Variants in RNF216 observed in about 807,000 individuals in gnomAD.
RNF216 encodes E3 ubiquitin-protein ligase RNF216.
A neutral mutation model predicts 110.8 loss-of-function variants in RNF216; 72 were observed. The ratio of observed to expected loss-of-function variants is 0.65; its 90% CI spans 0.54 to 0.79. The LOEUF is 0.79. RNF216 is among the 30% of genes least tolerant of loss of function. The probability of loss-of-function intolerance (pLI) is 0.00; values close to 1 mark genes in which losing one functional copy is unlikely to be tolerated. For synonymous variants in RNF216, 495 were observed against 407.5 expected (o/e 1.21, Z -2.59); for missense variants, 1,342 against 1,141.2 (o/e 1.18, Z -2.54).
At chr7:5,650,722 A>G (rs758517663) in intron 14 of RNF216, among the ~76,000 whole-genome samples, 1 of 152,110 alleles carries the variant, frequency 6.6e-6, no homozygotes, top group African/African-American at 2.4e-5. Context: ...GTCCCACACT[A>G]AGGACTTTCT....
intron 14 of RNF216, among the ~76,000 whole-genome samples, chr7:5,648,742 G>GAAAAGAAA (rs1427914727): frequency 7.0e-6 from 1 of 143,866 alleles, no homozygotes; most frequent in African/African-American, 2.6e-5. Context: ...AAAAAAAAAA[G>GAAAAGAAA]AAAAGAAAAA....
At chr7:5,704,003 C>G (rs906305414) in intron 13 of RNF216, among the ~76,000 whole-genome samples, 1 of 152,168 alleles carries the variant, frequency 6.6e-6, no homozygotes, top group African/African-American at 2.4e-5. Context: ...CCAAACACAC[C>G]CAATTCATTC....
chr7:5,777,682 G>A (rs1276739955), intron 1 of RNF216: 1 of 152,186 alleles, frequency 6.6e-6, no homozygotes, highest in Non-Finnish European at 1.5e-5. Flanking sequence ...AACGAAAATT[G>A]TGTTAACTTT....
intron 15 of RNF216, among the ~76,000 whole-genome samples, chr7:5,630,974 T>G (rs568643315): frequency 1.4e-4 from 21 of 152,278 alleles, no homozygotes; most frequent in African/African-American, 5.1e-4. Flanking sequence ...ACTGGGGGCC[T>G]GAGAACACTG....
At chr7:5,626,637 C>T (rs543535544) in intron 15 of RNF216, among the ~76,000 whole-genome samples, 218 of 151,332 alleles carry the variant, frequency 1.4e-3, no homozygotes, top group African/African-American at 5.0e-3. Flanking sequence ...TGCACTCCAC[C>T]CTCCACCCTG....
intron 2 of RNF216, among the ~76,000 whole-genome samples, chr7:5,757,237 G>C (rs1417466811): frequency 6.6e-6 from 1 of 152,096 alleles, no homozygotes; most frequent in African/African-American, 2.4e-5. Flanking sequence ...GTCCAATTCT[G>C]TTTTTAGATC....
At chr7:5,716,860 T>C in intron 9 of RNF216, 94 bp from the exon 10 acceptor site, 1 of 949,350 alleles carries the variant, frequency 1.1e-6, no homozygotes, top group East Asian at 2.4e-5. Flanking sequence ...ACTCCAGTAT[T>C]GCGATCTCTT....
rs1289847719 is a variant in RNF216 at position 5,620,971 on chromosome 7, A to G, written c.*1889T>C. On this transcript the variant is annotated 3_prime_UTR_variant, in exon 17 of 17. Coordinates refer to ENST00000389902, the MANE Select transcript of RNF216 (RefSeq NM_207111.4). ...CCGAAGACAATCCTGTTGCTGCCGC[A>G]TGGAGCCTGCCTTTCCAAGGCACTG... 1 of 152,190 alleles carries G rather than the reference A, an allele frequency of 6.6e-6. No individual in the cohort carries two copies. Among genetic ancestry groups the G allele is most frequent in the African/African-American group, 2.4e-5 (1 of 41,436 alleles). The allele number at this position is 152,190 out of a possible 1,614,324, so 9.4% of individuals were successfully genotyped here. A position where few individuals can be genotyped will look rare whatever the true frequency, so the allele number is the denominator to read the frequency against.
rs74866077 is a variant in RNF216, at chr7:5,766,215, A to G, written c.-69-5077T>C. On this transcript the variant is annotated intron_variant, in intron 1 of 16. Coordinates refer to ENST00000389902, the MANE Select transcript of RNF216 (RefSeq NM_207111.4). ...TGAAGCAGGAGGATCTCCTGAACCC[A>G]GGAGTTTGATGTTGCAGTGAGCCAT... Among the ~76,000 whole-genome samples the G allele has an allele frequency of 3.9e-3, 596 of 152,030 alleles. 14 individuals carry two copies. In the East Asian group the frequency reaches 0.073, roughly 19 times the overall value.
chr7:5,704,558 G>GT (rs1369893418), intron 13 of RNF216, among the ~76,000 whole-genome samples: 1 of 152,232 alleles, frequency 6.6e-6, no homozygotes, highest in Non-Finnish European at 1.5e-5. Flanking sequence ...CAAAAGAACT[G>GT]TGTCAATTCT....
chr7:5,719,783 A>G (rs1793298015), intron 9 of RNF216, among the ~76,000 whole-genome samples: 1 of 152,208 alleles, frequency 6.6e-6, no homozygotes, highest in Non-Finnish European at 1.5e-5. Context: ...ATTTTGAATA[A>G]TCATAGTTTT....
At chr7:5,704,545 GC>G (rs1584480866) in intron 13 of RNF216, among the ~76,000 whole-genome samples, 1 of 152,198 alleles carries the variant, frequency 6.6e-6, no homozygotes, top group Non-Finnish European at 1.5e-5. Flanking sequence ...TTGGTACTGA[GC>G]CCAAAAGAAC....
rs530495220 is a variant in RNF216 at position 5,660,012 on chromosome 7, T to C, written c.2062-7502A>G. ...CTCTGTTGCCCAGGCTGGAGTGCAG[T>C]GGTGCCATTATAGCTCACTATAACC... On this transcript the variant is annotated intron_variant, in intron 13 of 16. Coordinates refer to ENST00000389902, the MANE Select transcript of RNF216 (RefSeq NM_207111.4). 1.3e-4 allele frequency among the ~76,000 whole-genome samples: 20 copies of C among 150,322 alleles called. No homozygotes were observed. In the South Asian group the frequency reaches 3.8e-3, roughly 28 times the overall value.
intron 13 of RNF216, among the ~76,000 whole-genome samples, chr7:5,659,942 ACATT>A (rs1297675589): frequency 1.4e-5 from 2 of 141,694 alleles, no homozygotes; most frequent in East Asian, 2.2e-4. Context: ...TATTTTAATT[ACATT>A]CATTAATTTT....
intron 13 of RNF216, among the ~76,000 whole-genome samples, chr7:5,689,376 AAAAG>A (rs1163236699): frequency 1.2e-4 from 18 of 151,802 alleles, no homozygotes; most frequent in Non-Finnish European, 2.5e-4. Context: ...AAAAAAAAAA[AAAAG>A]AAAGAAGAAG....
intron 6 of RNF216, 120 bp from the exon 7 acceptor site, chr7:5,729,716 G>C (rs995390681): frequency 9.3e-6 from 8 of 864,822 alleles, no homozygotes; most frequent in Non-Finnish European, 1.4e-5. Flanking sequence ...ACTCTATAAG[G>C]AAGTTACCAG....
In RNF216 at chr7:5,772,285, G is replaced by C. The variant is rs150677265; in HGVS notation, c.-70+9256C>G. Among the ~76,000 whole-genome samples the C allele has an allele frequency of 3.0e-3, 451 of 152,262 alleles. 1 individual carries two copies. The highest frequency in any genetic ancestry group is 0.011 in the African/African-American group (438 of 41,560). On this transcript the variant is annotated intron_variant, in intron 1 of 16. Transcript: ENST00000389902. ...ACCACAAGGAAATTCTGGGAAGACAGTAGTAGTAACAGCAGAATAGTCTTT... is the reference window on the plus strand; with the variant it reads ...ACCACAAGGAAATTCTGGGAAGACACTAGTAGTAACAGCAGAATAGTCTTT...
intron 13 of RNF216, among the ~76,000 whole-genome samples, chr7:5,675,293 AAGCCCC>A (rs1357486572): frequency 6.6e-6 from 1 of 152,208 alleles, no homozygotes; most frequent in Non-Finnish European, 1.5e-5. Flanking sequence ...CAAGAATTAG[AAGCCCC>A]AGAGGGGACA....
At chr7:5,736,585 T>A (rs1235492596) in intron 5 of RNF216, among the ~76,000 whole-genome samples, 2 of 151,330 alleles carry the variant, frequency 1.3e-5, no homozygotes, top group East Asian at 3.9e-4. Context: ...CCGCCCATCG[T>A]CTGGGATATG....
Sources: gnomAD v4.1 joint callset for allele counts (sites outside exome capture counted in the v4.1 genomes callset) on GRCh38, gnomAD v4.1.1 for gene constraint, MANE v1.5 for transcripts, NCBI Gene and HGNC (gene_info 2026-07-23, HGNC 2026-07-21) for gene names.